Variants in BMP7 observed in about 807,000 individuals in gnomAD.
BMP7 encodes bone morphogenetic protein 7, also known as osteogenic protein 1.
BMP7 carries 12 observed loss-of-function variants against 41.2 expected under a neutral mutation model. That is an observed-to-expected ratio of 0.29 (90% confidence interval 0.19 to 0.47). The LOEUF (loss-of-function observed/expected upper bound fraction) is 0.47. Among genes scored for constraint, BMP7 ranks in the 20% least tolerant of loss-of-function variants. BMP7 has a pLI of 0.99. For synonymous variants in BMP7, 248 were observed against 250.0 expected, an observed-to-expected ratio of 0.99 and a Z score of 0.07; for missense variants, 467 against 606.0, an observed-to-expected ratio of 0.77 and a Z score of 2.41.
intron 3 of BMP7, among the ~76,000 whole-genome samples, chr20:57,201,258 G>C (rs746200736): frequency 2.6e-5 from 4 of 152,214 alleles, no homozygotes; most frequent in Non-Finnish European, 4.4e-5. Flanking sequence ...CTCATCACCT[G>C]CATGCTGGAT....
At chr20:57,236,802 A>C (rs2066049556) in intron 1 of BMP7, among the ~76,000 whole-genome samples, 1 of 151,370 alleles carries the variant, frequency 6.6e-6, no homozygotes. Context: ...GACTGTGGCC[A>C]GTTGCACATG....
intron 2 of BMP7, among the ~76,000 whole-genome samples, chr20:57,222,614 T>C (rs1985213651): frequency 6.6e-6 from 1 of 152,102 alleles, no homozygotes; most frequent in Admixed American, 6.5e-5. Context: ...TGATGAGGGC[T>C]GCTCTCCTCT....
At chr20:57,191,673 T>C (rs780876174) in intron 3 of BMP7, among the ~76,000 whole-genome samples, 1 of 150,324 alleles carries the variant, frequency 6.7e-6, no homozygotes, top group Non-Finnish European at 1.5e-5. Context: ...GAGGTTGCAG[T>C]GAGCCGGAGA....
intron 4 of BMP7, 31 bp downstream of exon 4, chr20:57,183,691 T>C: frequency 6.2e-7 from 1 of 1,612,822 alleles, no homozygotes; most frequent in Non-Finnish European, 8.5e-7. Context: ...GTTCCTGTGG[T>C]GGGTCTGTGA....
At chr20:57,230,162 G>T (rs960069289) in intron 1 of BMP7, among the ~76,000 whole-genome samples, 3 of 152,172 alleles carry the variant, frequency 2.0e-5, no homozygotes, top group African/African-American at 7.2e-5. Flanking sequence ...CCTTCCAGAT[G>T]ACAGCTCTGC....
chr20:57,187,787 T>C (rs1183774665), intron 3 of BMP7, among the ~76,000 whole-genome samples: 1 of 152,156 alleles, frequency 6.6e-6, no homozygotes, highest in Non-Finnish European at 1.5e-5. Context: ...AACCCTTCGA[T>C]TTCTTAGTCT....
At position 57,176,750 on chromosome 20, in the gene BMP7, TCACACACACACA is replaced by T. The variant is rs60465573; in HGVS notation, c.959-1755_959-1744del. Among the ~76,000 whole-genome samples, 15 of 135,510 alleles carry T rather than the reference TCACACACACACA, an allele frequency of 1.1e-4. No individual in the cohort carries two copies. The South Asian group carries it at 2.1e-3, about 19-fold the overall frequency. The allele number at this position is 135,510 out of a possible 152,430, so 88.9% of individuals were successfully genotyped here. A position where few individuals can be genotyped will look rare whatever the true frequency, so the allele number is the denominator to read the frequency against. The stretch of plus-strand genomic sequence containing the variant: ...ATTTGAAACTACGCACATTCTCCAT[TCACACACACACA>T]CACACACACACACACACACACACAC... On this transcript the variant is annotated intron_variant, in intron 4 of 6. Coordinates refer to ENST00000395863, the MANE Select transcript of BMP7 (RefSeq NM_001719.3).
At chr20:57,209,249 T>TTATATATATA (rs57062226) in intron 2 of BMP7, among the ~76,000 whole-genome samples, 2,362 of 94,468 alleles carry the variant, frequency 0.025, 55 homozygotes, top group Non-Finnish European at 0.029. Context: ...TTATATATTT[T>TTATATATATA]TATATATATA....
chr20:57,199,687 G>A (rs192764205), intron 3 of BMP7, among the ~76,000 whole-genome samples: 176 of 152,276 alleles, frequency 1.2e-3, no homozygotes, highest in Non-Finnish European at 2.0e-3. Context: ...CGAAAATCCC[G>A]GACTCACTTG....
At chr20:57,249,002 C>T (rs1226505299) in intron 1 of BMP7, among the ~76,000 whole-genome samples, 3 of 151,890 alleles carry the variant, frequency 2.0e-5, no homozygotes, top group East Asian at 3.9e-4. Context: ...GATGTTTCAC[C>T]GTGTTAGCTA....
At chr20:57,218,186 AT>A (rs1431823603) in intron 2 of BMP7, among the ~76,000 whole-genome samples, 1 of 152,112 alleles carries the variant, frequency 6.6e-6, no homozygotes, top group Non-Finnish European at 1.5e-5. Context: ...ACACATTTTC[AT>A]TTTGCACTGG....
At chr20:57,198,466 G>C (rs1205741252) in intron 3 of BMP7, among the ~76,000 whole-genome samples, 1 of 152,202 alleles carries the variant, frequency 6.6e-6, no homozygotes, top group Non-Finnish European at 1.5e-5. Context: ...CCCATCCCCA[G>C]GGAGATGAGA....
intron 2 of BMP7, chr20:57,225,730 C>T (rs1261918390): frequency 7.0e-6 from 2 of 286,060 alleles, no homozygotes; most frequent in Non-Finnish European, 1.5e-5. Context: ...AACCATTTAA[C>T]TTCTGAAGAA....
Position 57,265,693 on chromosome 20 carries a change from G to C in BMP7, c.418+12C>G, listed in dbSNP as rs149276258. ...CGAAAGGAGACGCGTACCCTCGCCT[G>C]CCCTTACTCACCGAGGTTGACGAAG... On this transcript the variant is annotated intron_variant, in intron 1 of 6. Coordinates refer to ENST00000395863, the MANE Select transcript of BMP7 (RefSeq NM_001719.3). The C allele has an allele frequency of 3.1e-6, 5 of 1,595,514 alleles. No individual in the cohort carries two copies. The African/African-American group carries it at 5.4e-5, about 17-fold the overall frequency.
chr20:57,214,143 T>C lies in BMP7; in HGVS notation c.612-11520A>G, dbSNP rs537832767. 6.6e-6 allele frequency among the ~76,000 whole-genome samples: 1 copy of C among 152,220 alleles called. No homozygotes were observed. Among genetic ancestry groups the C allele is most frequent in the South Asian group, 2.1e-4 (1 of 4,814 alleles). Reference sequence around the variant, plus strand: ...GAGCACTGTTGTCCCCTCTCACAGGTGGGAGACTGAGGCTCAGAGATATGC... The same window carrying C: ...GAGCACTGTTGTCCCCTCTCACAGGCGGGAGACTGAGGCTCAGAGATATGC... On this transcript the variant is annotated intron_variant, in intron 2 of 6. Coordinates refer to ENST00000395863, the MANE Select transcript of BMP7 (RefSeq NM_001719.3). The surrounding 1 kb of genome is among the most constrained non-coding windows in gnomAD (Gnocchi z 4.0).
intron 1 of BMP7, among the ~76,000 whole-genome samples, chr20:57,253,065 C>T (rs1044642623): frequency 2.6e-5 from 4 of 152,178 alleles, no homozygotes; most frequent in Admixed American, 6.5e-5. Flanking sequence ...GCTCCAGAGG[C>T]GCAGAGATTT....
At chr20:57,179,654 C>T (rs2123062948) in intron 4 of BMP7, among the ~76,000 whole-genome samples, 1 of 152,366 alleles carries the variant, frequency 6.6e-6, no homozygotes, top group East Asian at 1.9e-4. Context: ...CGGCAGGGCT[C>T]CAGCCCAAAA....
rs1027974041 is a variant in BMP7 at position 57,214,667 on chromosome 20, C to T, written c.612-12044G>A. Among the ~76,000 whole-genome samples the T allele has an allele frequency of 1.3e-5, 2 of 152,204 alleles. No individual in the cohort carries two copies. The highest frequency in any genetic ancestry group is 1.3e-4 in the Admixed American group (2 of 15,286). On this transcript the variant is annotated intron_variant, in intron 2 of 6. Transcript: ENST00000395863. The surrounding 1 kb of genome is among the most constrained non-coding windows in gnomAD (Gnocchi z 4.0). ...CACACCTGCCTGTTCTTGAGCATCCCAGGGAAGCGTCCACTGATGCCCTAA... is the reference window on the plus strand; with the variant it reads ...CACACCTGCCTGTTCTTGAGCATCCTAGGGAAGCGTCCACTGATGCCCTAA...
chr20:57,176,885 C>T, intron 4 of BMP7, among the ~76,000 whole-genome samples: 1 of 151,994 alleles, frequency 6.6e-6, no homozygotes, highest in East Asian at 1.9e-4. Context: ...CAATTTTTGG[C>T]TTTTCTCTGA....
Sources: gnomAD v4.1 joint callset for allele counts (sites outside exome capture counted in the v4.1 genomes callset) on GRCh38, gnomAD v4.1.1 for gene constraint, Gnocchi (gnomAD v3.1) non-coding constraint, MANE v1.5 for transcripts, NCBI Gene and HGNC (gene_info 2026-07-23, HGNC 2026-07-21) for gene names.